Variants in MITF observed in about 807,000 individuals in gnomAD.
The protein encoded by MITF is microphthalmia-associated transcription factor.
MITF carries 17 observed loss-of-function variants against 60.5 expected under a neutral mutation model. The observed-to-expected ratio is 0.28, with a 90% CI of 0.19 to 0.42. The LOEUF (loss-of-function observed/expected upper bound fraction) is 0.42. Among genes scored for constraint, MITF ranks in the 10% least tolerant of loss-of-function variants. The probability of loss-of-function intolerance (pLI) is 1.00; values close to 1 mark genes in which losing one functional copy is unlikely to be tolerated. For synonymous variants in MITF, 260 were observed against 248.5 expected, an observed-to-expected ratio of 1.05 and a Z score of -0.43; for missense variants, 622 against 683.5, an observed-to-expected ratio of 0.91 and a Z score of 1.00.
At chr3:69,870,303 C>CACAT (rs747633565) in intron 1 of MITF, among the ~76,000 whole-genome samples, 6,213 of 148,392 alleles carry the variant, frequency 0.042, 291 homozygotes, top group African/African-American at 0.12. Flanking sequence ...TATATATATA[C>CACAT]ACATACATAT....
In MITF at chr3:69,965,309, A is replaced by G; in HGVS notation, c.*61A>G. On this transcript the variant is annotated 3_prime_UTR_variant, in exon 10 of 10. Transcript: ENST00000352241. Reference sequence around the variant, plus strand: ...TCCTTTCTTGATTCGTAGATTTAATAACTTACCTGAAGGGGTTTTCTTGAT... The same window carrying G: ...TCCTTTCTTGATTCGTAGATTTAATGACTTACCTGAAGGGGTTTTCTTGAT... 1 of 1,573,100 alleles carries G rather than the reference A, an allele frequency of 6.4e-7. No homozygotes were observed. The highest frequency in any genetic ancestry group is 8.7e-7 in the Non-Finnish European group (1 of 1,148,724).
At chr3:69,852,372 A>G (rs904395090) in intron 1 of MITF, among the ~76,000 whole-genome samples, 1 of 152,182 alleles carries the variant, frequency 6.6e-6, no homozygotes, top group African/African-American at 2.4e-5. Context: ...TTCTAACACC[A>G]TGGATTAATC....
chr3:69,890,011 T>C (rs137979797), intron 2 of MITF, among the ~76,000 whole-genome samples: 104 of 152,290 alleles, frequency 6.8e-4, no homozygotes, highest in Middle Eastern at 3.4e-3. Context: ...GATTTACAAT[T>C]ATTAATCACA....
intron 1 of MITF, among the ~76,000 whole-genome samples, chr3:69,868,545 C>A (rs2064159868): frequency 6.6e-6 from 1 of 152,070 alleles, no homozygotes. Context: ...CGTGTTTGGT[C>A]CTGATGCCAC....
chr3:69,742,663 T>C (rs1703571358), intron 1 of MITF, among the ~76,000 whole-genome samples: 1 of 152,172 alleles, frequency 6.6e-6, no homozygotes, highest in Admixed American at 6.5e-5. Flanking sequence ...CCAACCAGTA[T>C]GTGCCTGCCT....
At chr3:69,839,318 C>A (rs931857885) in intron 1 of MITF, among the ~76,000 whole-genome samples, 1 of 151,672 alleles carries the variant, frequency 6.6e-6, no homozygotes, top group African/African-American at 2.4e-5. Context: ...CTGCTTTTCC[C>A]ACTGGAAGAT....
At chr3:69,772,251 AT>A (rs1346812671) in intron 1 of MITF, among the ~76,000 whole-genome samples, 1 of 152,056 alleles carries the variant, frequency 6.6e-6, no homozygotes, top group Non-Finnish European at 1.5e-5. Context: ...CTACTGCCTT[AT>A]TTTTGGGCAC....
At chr3:69,756,167 C>G (rs1454554098) in intron 1 of MITF, among the ~76,000 whole-genome samples, 3 of 151,832 alleles carry the variant, frequency 2.0e-5, no homozygotes, top group African/African-American at 7.3e-5. Context: ...GCAGAATGTG[C>G]AGGTTTGTTA....
intron 1 of MITF, among the ~76,000 whole-genome samples, chr3:69,805,345 A>G (rs922489755): frequency 2.0e-5 from 3 of 152,040 alleles, no homozygotes; most frequent in Non-Finnish European, 4.4e-5. Context: ...GGTATTCCAC[A>G]CCTCAGAATC....
At chr3:69,835,416 A>G (rs1174349546) in intron 1 of MITF, among the ~76,000 whole-genome samples, 1 of 152,050 alleles carries the variant, frequency 6.6e-6, no homozygotes, top group Non-Finnish European at 1.5e-5. Context: ...GTTTTCTCCC[A>G]TTCAGTAGGT....
At chr3:69,844,832 C>A (rs978700232) in intron 1 of MITF, among the ~76,000 whole-genome samples, 3 of 151,914 alleles carry the variant, frequency 2.0e-5, no homozygotes, top group African/African-American at 7.3e-5. Flanking sequence ...CAATTTCACA[C>A]AAGTGTGTTT....
At chr3:69,893,484 G>A (rs1230652248) in intron 2 of MITF, among the ~76,000 whole-genome samples, 1 of 152,082 alleles carries the variant, frequency 6.6e-6, no homozygotes, top group East Asian at 1.9e-4. Flanking sequence ...GCTCTGAGGA[G>A]TAAGTGACAT....
At chr3:69,963,506 C>T (rs990947092) in intron 9 of MITF, among the ~76,000 whole-genome samples, 1 of 152,084 alleles carries the variant, frequency 6.6e-6, no homozygotes, top group Non-Finnish European at 1.5e-5. Context: ...ACTTGGTAGC[C>T]ATTTGAAAAA....
chr3:69,862,221 A>C (rs1347788784), intron 1 of MITF, among the ~76,000 whole-genome samples: 1 of 152,130 alleles, frequency 6.6e-6, no homozygotes, highest in Non-Finnish European at 1.5e-5. Flanking sequence ...TATACTTCTT[A>C]AATCTCCTGT....
chr3:69,756,917 C>T (rs754683791), intron 1 of MITF, among the ~76,000 whole-genome samples: 1 of 152,140 alleles, frequency 6.6e-6, no homozygotes, highest in Non-Finnish European at 1.5e-5. Context: ...TGTTTGTTGG[C>T]CGCATAAATG....
chr3:69,872,339 TA>T (rs1161719434), intron 1 of MITF, among the ~76,000 whole-genome samples: 1 of 151,986 alleles, frequency 6.6e-6, no homozygotes, highest in African/African-American at 2.4e-5. Context: ...ATAACCAACT[TA>T]AAAAAAATCT....
At chr3:69,925,592 T>C (rs1161185624) in intron 2 of MITF, among the ~76,000 whole-genome samples, 1 of 152,222 alleles carries the variant, frequency 6.6e-6, no homozygotes, top group Non-Finnish European at 1.5e-5. Flanking sequence ...TCTCAATGGC[T>C]TCTTACAAGT....
chr3:69,883,757 G>T (rs2064544777), intron 2 of MITF, among the ~76,000 whole-genome samples: 2 of 152,138 alleles, frequency 1.3e-5, no homozygotes, highest in South Asian at 4.1e-4. Context: ...TAGGGGATCT[G>T]TTGCTAGAGG....
intron 2 of MITF, among the ~76,000 whole-genome samples, chr3:69,922,849 G>C (rs78930862): frequency 1.2e-3 from 186 of 152,260 alleles, no homozygotes; most frequent in South Asian, 2.7e-3. Flanking sequence ...AAGAAAGAAA[G>C]AAACAAACCC....
Sources: allele counts gnomAD v4.1 joint callset (sites outside exome capture counted in the v4.1 genomes callset), GRCh38; gene constraint gnomAD v4.1.1; transcripts MANE v1.5; gene names NCBI Gene and HGNC (gene_info 2026-07-23, HGNC 2026-07-21).